The following QTMAN variants were observed in gnomAD, a reference collection of about 807,000 sequenced individuals.
QTMAN encodes the protein tRNA-queuosine alpha-mannosyltransferase.
chr2:144,205,433 A>G, the QTMAN span, among the ~76,000 whole-genome samples: 2 of 152,192 alleles, frequency 1.3e-5, no homozygotes, highest in African/African-American at 4.8e-5. Flanking sequence ...ATTTGCCACA[A>G]CTTGGAGACT....
the QTMAN span, among the ~76,000 whole-genome samples, chr2:144,301,751 C>T: frequency 6.6e-6 from 1 of 152,108 alleles, no homozygotes; most frequent in South Asian, 2.1e-4. Flanking sequence ...AAGTATTAAA[C>T]GCCAGGTTCC....
chr2:144,098,084 G>A, the QTMAN span, among the ~76,000 whole-genome samples: 11 of 152,300 alleles, frequency 7.2e-5, no homozygotes, highest in South Asian at 2.1e-4. Flanking sequence ...ACCTGGCTGC[G>A]GAGGTGCTAT....
the QTMAN span, among the ~76,000 whole-genome samples, chr2:144,251,788 G>A: frequency 6.6e-6 from 1 of 152,144 alleles, no homozygotes; most frequent in Non-Finnish European, 1.5e-5. Flanking sequence ...AGAATAAGAA[G>A]ACAAGTCACA....
the QTMAN span, chr2:144,141,982 T>A: frequency 6.2e-7 from 1 of 1,610,700 alleles, no homozygotes; most frequent in Non-Finnish European, 8.5e-7. Flanking sequence ...ATCAGCTTCA[T>A]AAATTTTCCC....
chr2:144,240,348 T>C, the QTMAN span, among the ~76,000 whole-genome samples: 2 of 152,232 alleles, frequency 1.3e-5, no homozygotes, highest in Non-Finnish European at 1.5e-5. Context: ...TTTCATGCCT[T>C]GATTTGTATA....
chr2:144,190,260 T>C, the QTMAN span, among the ~76,000 whole-genome samples: 1 of 152,200 alleles, frequency 6.6e-6, no homozygotes, highest in Non-Finnish European at 1.5e-5. Context: ...CTCTATTTTG[T>C]ATATGGTTAA....
At chr2:144,045,138 G>A in the QTMAN span, among the ~76,000 whole-genome samples, 6 of 152,180 alleles carry the variant, frequency 3.9e-5, no homozygotes, top group African/African-American at 1.2e-4. Flanking sequence ...TTTTAAAGAC[G>A]AAGTTCCACT....
the QTMAN span, among the ~76,000 whole-genome samples, chr2:144,202,404 T>C: frequency 6.6e-6 from 1 of 152,206 alleles, no homozygotes; most frequent in Non-Finnish European, 1.5e-5. Flanking sequence ...ATACATCTTT[T>C]ATTTTTCTAA....
the QTMAN span, among the ~76,000 whole-genome samples, chr2:144,080,654 T>A: frequency 6.6e-6 from 1 of 152,292 alleles, no homozygotes; most frequent in East Asian, 1.9e-4. Flanking sequence ...TATATAAAAA[T>A]GCATACTGAT....
chr2:144,331,121 C>T, the QTMAN span, among the ~76,000 whole-genome samples: 2 of 152,134 alleles, frequency 1.3e-5, no homozygotes, highest in Non-Finnish European at 2.9e-5. Context: ...ATCCTCAATA[C>T]TAAAACTGTT....
chr2:144,106,886 C>G, the QTMAN span, among the ~76,000 whole-genome samples: 1 of 152,140 alleles, frequency 6.6e-6, no homozygotes, highest in Non-Finnish European at 1.5e-5. Context: ...TGTAAAAGAA[C>G]AGAAATTATA....
the QTMAN span, among the ~76,000 whole-genome samples, chr2:144,033,057 T>C: frequency 1.3e-5 from 2 of 152,224 alleles, no homozygotes; most frequent in South Asian, 2.1e-4. Context: ...TATAAAATAA[T>C]GGCTACTTCC....
At chr2:144,274,239 C>A in the QTMAN span, among the ~76,000 whole-genome samples, 1 of 152,204 alleles carries the variant, frequency 6.6e-6, no homozygotes, top group South Asian at 2.1e-4. Context: ...GAATCTTGTT[C>A]TATTTGGTCT....
the QTMAN span, among the ~76,000 whole-genome samples, chr2:144,126,999 ACTCT>A: frequency 6.6e-6 from 1 of 151,840 alleles, no homozygotes; most frequent in East Asian, 1.9e-4. Flanking sequence ...TCTAAGACAT[ACTCT>A]CTCTTTTTAG....
chr2:143,958,923 T>A, the QTMAN span, among the ~76,000 whole-genome samples: 1 of 151,946 alleles, frequency 6.6e-6, no homozygotes, highest in Non-Finnish European at 1.5e-5. Flanking sequence ...CAGGTCTGTC[T>A]GGGCAACACC....
At chr2:144,258,740 C>T in the QTMAN span, among the ~76,000 whole-genome samples, 2 of 151,784 alleles carry the variant, frequency 1.3e-5, no homozygotes, top group African/African-American at 4.8e-5. Flanking sequence ...TCAAATTCAG[C>T]CAGCTAAGAA....
At chr2:143,940,916 C>T in the QTMAN span, 1 of 152,256 alleles carries the variant, frequency 6.6e-6, no homozygotes, top group Admixed American at 6.5e-5. Context: ...CCGCATTCCT[C>T]TCCTTATGGT....
At chr2:144,028,772 T>C in the QTMAN span, among the ~76,000 whole-genome samples, 2 of 152,230 alleles carry the variant, frequency 1.3e-5, no homozygotes, top group African/African-American at 2.4e-5. Flanking sequence ...AATGAATCTG[T>C]TGGTGTTAAT....
At chr2:144,143,522 C>T in the QTMAN span, among the ~76,000 whole-genome samples, 2 of 151,802 alleles carry the variant, frequency 1.3e-5, no homozygotes. Context: ...TTCCGTGCAT[C>T]CCTTGAAAAA....
Sources: allele counts gnomAD v4.1 joint callset (sites outside exome capture counted in the v4.1 genomes callset), GRCh38; gene constraint gnomAD v4.1.1; transcripts MANE v1.5; gene names NCBI Gene and HGNC (gene_info 2026-07-23, HGNC 2026-07-21).